Variants in OTUD7B observed in about 807,000 individuals in gnomAD.
The protein encoded by OTUD7B is OTU deubiquitinase 7B.
Under a neutral mutation model 82.2 loss-of-function variants are expected in OTUD7B, and 34 were observed. The observed-to-expected ratio is 0.41, with a 90% confidence interval of 0.31 to 0.55. OTUD7B has a LOEUF of 0.55. Among genes scored for constraint, OTUD7B ranks in the 20% least tolerant of loss-of-function variants. The pLI, the probability that OTUD7B is intolerant of heterozygous loss-of-function variation, is 0.20. For synonymous variants in OTUD7B, 398 were observed against 402.7 expected, an observed-to-expected ratio of 0.99 and a Z score of 0.14; for missense variants, 944 against 1,062.1, an observed-to-expected ratio of 0.89 and a Z score of 1.55.
At chr1:150,061,034 A>G in the OTUD7B span, among the ~76,000 whole-genome samples, 1 of 35,186 alleles carries the variant, frequency 2.8e-5, no homozygotes, top group Non-Finnish European at 5.2e-5. Flanking sequence ...TGACTAAAAC[A>G]AAAAACAAAA....
intron 2 of OTUD7B, among the ~76,000 whole-genome samples, chr1:149,973,047 G>T (rs1571661268): frequency 6.6e-6 from 1 of 151,976 alleles, no homozygotes; most frequent in Admixed American, 6.6e-5. Flanking sequence ...AAGTCAATTT[G>T]TACCCCTAAA....
intron 1 of OTUD7B, among the ~76,000 whole-genome samples, chr1:150,006,703 A>G (rs1652696495): frequency 6.6e-6 from 1 of 152,222 alleles, no homozygotes; most frequent in African/African-American, 2.4e-5. Flanking sequence ...TGCTGTCCTT[A>G]CTATAAGCTC....
chr1:149,976,135 G>A (rs16831333), intron 2 of OTUD7B, among the ~76,000 whole-genome samples: 3,385 of 152,230 alleles, frequency 0.022, 133 homozygotes, highest in African/African-American at 0.077. Context: ...GGGTAGCCAA[G>A]CAAATGTCTA....
chr1:149,981,915 C>A (rs1209382677), intron 1 of OTUD7B, among the ~76,000 whole-genome samples: 1 of 152,082 alleles, frequency 6.6e-6, no homozygotes, highest in Admixed American at 6.6e-5. Context: ...TTTGGGAGGC[C>A]GAGGCAGGTG....
At chr1:150,018,891 T>C in the OTUD7B span, among the ~76,000 whole-genome samples, 28 of 152,164 alleles carry the variant, frequency 1.8e-4, no homozygotes, top group African/African-American at 6.8e-4. Context: ...TCTTTCTCTA[T>C]ATGAATGATA....
At chr1:150,064,796 A>G in the OTUD7B span, among the ~76,000 whole-genome samples, 1 of 152,244 alleles carries the variant, frequency 6.6e-6, no homozygotes, top group Non-Finnish European at 1.5e-5. Flanking sequence ...AAGTGTTAAC[A>G]TGAAGCAACA....
At chr1:150,064,372 CTCTTT>C in the OTUD7B span, among the ~76,000 whole-genome samples, 5 of 152,050 alleles carry the variant, frequency 3.3e-5, no homozygotes, top group African/African-American at 4.8e-5. Flanking sequence ...CTCTTCTCTT[CTCTTT>C]TTTCTTTTCT....
intron 1 of OTUD7B, among the ~76,000 whole-genome samples, chr1:149,980,370 T>A (rs193288230): frequency 6.6e-6 from 1 of 151,978 alleles, no homozygotes; most frequent in Non-Finnish European, 1.5e-5. Flanking sequence ...ACATCACCAC[T>A]AATACCTTGC....
intron 1 of OTUD7B, among the ~76,000 whole-genome samples, chr1:149,988,333 A>ATG (rs1485677208): frequency 1.3e-5 from 2 of 152,322 alleles, no homozygotes; most frequent in African/African-American, 2.4e-5. Context: ...TACCACTAGT[A>ATG]TGTGTGTGTG....
At chr1:150,062,715 T>TC in the OTUD7B span, among the ~76,000 whole-genome samples, 2 of 141,488 alleles carry the variant, frequency 1.4e-5, no homozygotes, top group South Asian at 4.6e-4. Context: ...TTTCTTTTTT[T>TC]TTTTTTTTTT....
chr1:150,048,275 G>A, the OTUD7B span, among the ~76,000 whole-genome samples: 2 of 152,130 alleles, frequency 1.3e-5, no homozygotes, highest in African/African-American at 4.8e-5. Flanking sequence ...ATTAAAGAGA[G>A]AATGAACAAG....
At chr1:150,055,205 T>C in the OTUD7B span, among the ~76,000 whole-genome samples, 2 of 151,790 alleles carry the variant, frequency 1.3e-5, no homozygotes, top group Non-Finnish European at 2.9e-5. Flanking sequence ...GCCCGGCTAA[T>C]TTTTTGTATT....
At chr1:150,053,831 T>G in the OTUD7B span, 1 of 256,220 alleles carries the variant, frequency 3.9e-6, no homozygotes. Flanking sequence ...GAATGGCCAT[T>G]ATTAAAAAGT....
chr1:150,022,602 T>C, the OTUD7B span, among the ~76,000 whole-genome samples: 1 of 151,906 alleles, frequency 6.6e-6, no homozygotes, highest in Non-Finnish European at 1.5e-5. Flanking sequence ...GGGAGCTCAT[T>C]GGAAATGCAG....
intron 9 of OTUD7B, 107 bp downstream of exon 9, chr1:149,949,520 CAT>C: frequency 8.9e-7 from 1 of 1,123,152 alleles, no homozygotes; most frequent in East Asian, 2.4e-5. Context: ...ACAGTATCAA[CAT>C]GTGCTGTCTG....
In OTUD7B at chr1:149,967,306, A is replaced by C; in HGVS notation, c.490T>G (p.Leu164Val). ...AGCACTCACTGACCTGCCTGTTCCA[A>C]GGCAACCAGCATGGACTGCTCAATG... ...DLIEQSMLVA[L>V]EQAGRLNWWV... is the part of the protein sequence containing the mutation. The change falls in exon 4 of 12, where the codon TTG (leucine) becomes GTG (valine). Residue 164 changes from leucine to valine, a missense_variant. Leu to Val is a conservative substitution (Grantham distance 32). Transcript: ENST00000581312. 1.2e-6 allele frequency: 2 copies of C among 1,612,760 alleles called. No homozygotes were observed. The highest frequency in any genetic ancestry group is 1.7e-6 in the Non-Finnish European group (2 of 1,179,016).
chr1:150,063,630 C>T, the OTUD7B span, among the ~76,000 whole-genome samples: 1 of 152,114 alleles, frequency 6.6e-6, no homozygotes, highest in African/African-American at 2.4e-5. Flanking sequence ...ATGCTACAAG[C>T]CAACTCAGCT....
intron 1 of OTUD7B, among the ~76,000 whole-genome samples, chr1:149,990,951 A>G (rs1651524643): frequency 6.6e-6 from 1 of 150,984 alleles, no homozygotes; most frequent in South Asian, 2.1e-4. Context: ...AGATCGCGCC[A>G]TTGCACTCCA....
At chr1:149,987,794 A>G (rs1553781179) in intron 1 of OTUD7B, among the ~76,000 whole-genome samples, 1 of 152,192 alleles carries the variant, frequency 6.6e-6, no homozygotes, top group Non-Finnish European at 1.5e-5. Context: ...GCCTTCAAGA[A>G]AATACCCTAA....
Sources: allele counts gnomAD v4.1 joint callset (sites outside exome capture counted in the v4.1 genomes callset), GRCh38; gene constraint gnomAD v4.1.1; transcripts MANE v1.5; gene names NCBI Gene and HGNC (gene_info 2026-07-23, HGNC 2026-07-21).